The following VCL variants were observed in gnomAD, a reference collection of about 807,000 sequenced individuals.
VCL encodes vinculin.
Under a neutral mutation model 125.7 loss-of-function variants are expected in VCL, and 47 were observed. That is an observed-to-expected ratio of 0.37 (90% confidence interval 0.30 to 0.48). VCL has a LOEUF of 0.48. Ranked by LOEUF, VCL falls within the 20% of genes least tolerant of loss-of-function variation. The pLI is 0.99. For synonymous variants in VCL, 458 were observed against 514.6 expected, an observed-to-expected ratio of 0.89 and a Z score of 1.49; for missense variants, 1,069 against 1,455.5, an observed-to-expected ratio of 0.73 and a Z score of 4.32.
intron 1 of VCL, among the ~76,000 whole-genome samples, chr10:74,038,974 C>T (rs768381170): frequency 1.3e-4 from 19 of 151,848 alleles, no homozygotes; most frequent in African/African-American, 3.9e-4. Context: ...TACAGTGGCG[C>T]GATCTTGGCT....
intron 2 of VCL, among the ~76,000 whole-genome samples, chr10:74,064,316 T>C (rs1841529310): frequency 6.6e-6 from 1 of 152,170 alleles, no homozygotes; most frequent in African/African-American, 2.4e-5. Flanking sequence ...TCAGAAACTC[T>C]CTGACCATGC....
At chr10:74,060,655 C>CAAA (rs11398822) in intron 2 of VCL, among the ~76,000 whole-genome samples, 32 of 109,128 alleles carry the variant, frequency 2.9e-4, no homozygotes, top group African/African-American at 9.2e-4. Context: ...GACTCTGTCT[C>CAAA]AAAAAAAAAA....
chr10:74,110,504 G>A (rs1275817388), intron 18 of VCL, among the ~76,000 whole-genome samples: 7 of 152,268 alleles, frequency 4.6e-5, no homozygotes, highest in South Asian at 2.1e-4. Context: ...ATATCTGTTC[G>A]TGTGTCTGTC....
At chr10:74,018,470 A>G (rs1013500622) in intron 1 of VCL, among the ~76,000 whole-genome samples, 3 of 152,104 alleles carry the variant, frequency 2.0e-5, no homozygotes, top group African/African-American at 4.8e-5. Context: ...ATATGGCAGT[A>G]AGGCAGGAAG....
At chr10:74,040,930 C>T (rs1330539714) in intron 1 of VCL, among the ~76,000 whole-genome samples, 1 of 152,152 alleles carries the variant, frequency 6.6e-6, no homozygotes, top group African/African-American at 2.4e-5. Flanking sequence ...AAACACTGCT[C>T]ACCACAGCCT....
intron 6 of VCL, chr10:74,077,740 G>A (rs1200266496): frequency 2.2e-6 from 1 of 455,528 alleles, no homozygotes; most frequent in Admixed American, 2.4e-5. Flanking sequence ...AGAAAAGTGG[G>A]GGAAGAAAGT....
At position 74,118,867 on chromosome 10, in the gene VCL, C is replaced by A. The variant is rs182637339; in HGVS notation, c.*698C>A. On this transcript the variant is annotated 3_prime_UTR_variant, in exon 22 of 22. Transcript: ENST00000211998. The stretch of plus-strand genomic sequence containing the variant: ...CAGAATCATATGATTCTGCTTTTAC[C>A]ATGCCCCTGAGCAATGTCTGTGCTA... 63 of 155,740 alleles carry A rather than the reference C, an allele frequency of 4.0e-4. 1 individual carries two copies. Among genetic ancestry groups the A allele is most frequent in the South Asian group, 7.9e-4 (4 of 5,068 alleles). 9.6% of individuals were successfully genotyped at this position (155,740 alleles called of 1,614,324 possible).
chr10:74,093,282 G>T (rs561626894), intron 10 of VCL, among the ~76,000 whole-genome samples: 11 of 152,276 alleles, frequency 7.2e-5, no homozygotes, highest in South Asian at 6.2e-4. Flanking sequence ...GGGCAACACA[G>T]CGAGACTCCA....
intron 1 of VCL, among the ~76,000 whole-genome samples, chr10:74,010,876 T>C (rs1201051255): frequency 2.0e-5 from 3 of 152,090 alleles, no homozygotes; most frequent in Middle Eastern, 3.2e-3. Context: ...AACATACTTA[T>C]TAAGACATGG....
intron 1 of VCL, among the ~76,000 whole-genome samples, chr10:74,022,493 C>T (rs533991454): frequency 1.3e-5 from 2 of 151,578 alleles, no homozygotes; most frequent in African/African-American, 4.8e-5. Context: ...TTGCAGTGAG[C>T]CAAGATTGCG....
At chr10:74,028,242 ATTTTTTATT>A (rs1245445468) in intron 1 of VCL, among the ~76,000 whole-genome samples, 2 of 151,764 alleles carry the variant, frequency 1.3e-5, no homozygotes, top group South Asian at 2.1e-4. Flanking sequence ...CACCTAGTTA[ATTTTTTATT>A]TTTTTTATTT....
intron 2 of VCL, among the ~76,000 whole-genome samples, chr10:74,057,260 A>T (rs4587673): frequency 0.15 from 23,303 of 151,384 alleles, 1,872 homozygotes; most frequent in East Asian, 0.22. Flanking sequence ...TTTATTATTT[A>T]AAAAAAAATT....
intron 2 of VCL, among the ~76,000 whole-genome samples, chr10:74,050,326 G>T (rs1053231200): frequency 5.9e-5 from 9 of 152,282 alleles, no homozygotes; most frequent in African/African-American, 2.2e-4. Context: ...GTGAAAGGAT[G>T]TACTACTGCT....
chr10:74,029,844 A>G (rs1409948607), intron 1 of VCL, among the ~76,000 whole-genome samples: 3 of 152,204 alleles, frequency 2.0e-5, no homozygotes, highest in Non-Finnish European at 2.9e-5. Context: ...TGAAGGCAAT[A>G]CATAGTTGAT....
rs71535783 is a variant in VCL, at chr10:74,043,301, A to T, written c.239+148A>T. 9,920 of 745,964 alleles carry T rather than the reference A, an allele frequency of 0.013. 81 individuals are homozygous for T. Among genetic ancestry groups the T allele is most frequent in the Middle Eastern group, 0.021 (67 of 3,136 alleles). 46.2% of individuals were successfully genotyped at this position (745,964 alleles called of 1,614,324 possible). ...AACTTTTTTGTCTTCTAACTTTTTT[A>T]AAAAAACTGTTCATTTTAGTTTTTG... is the stretch of plus-strand genomic sequence containing the variant. On this transcript the variant is annotated intron_variant, in intron 2 of 21. Coordinates refer to ENST00000211998, the MANE Select transcript of VCL (RefSeq NM_014000.3).
intron 13 of VCL, among the ~76,000 whole-genome samples, chr10:74,098,770 T>C (rs942040312): frequency 2.0e-5 from 3 of 152,206 alleles, no homozygotes; most frequent in Non-Finnish European, 4.4e-5. Context: ...CCTGAGTTAC[T>C]AGGCAGTTCA....
chr10:74,106,607 CA>C (rs1029957616), intron 16 of VCL, among the ~76,000 whole-genome samples: 7 of 152,202 alleles, frequency 4.6e-5, no homozygotes, highest in African/African-American at 1.7e-4. Context: ...GCAGTCAATG[CA>C]AGAGAGTAGG....
At chr10:74,051,565 G>A (rs1311836751) in intron 2 of VCL, among the ~76,000 whole-genome samples, 1 of 152,216 alleles carries the variant, frequency 6.6e-6, no homozygotes, top group Non-Finnish European at 1.5e-5. Flanking sequence ...GGTGTTGAAA[G>A]TTACTCAGTT....
chr10:74,061,634 TTTGGAAAC>T (rs1176774207), intron 2 of VCL, among the ~76,000 whole-genome samples: 1 of 152,196 alleles, frequency 6.6e-6, no homozygotes, highest in Non-Finnish European at 1.5e-5. Context: ...CCTTCTCTCC[TTTGGAAAC>T]TTTAATTACA....
Sources: gnomAD v4.1 joint callset for allele counts (sites outside exome capture counted in the v4.1 genomes callset) on GRCh38, gnomAD v4.1.1 for gene constraint, MANE v1.5 for transcripts, NCBI Gene and HGNC (gene_info 2026-07-23, HGNC 2026-07-21) for gene names.